Variants in TAPBP observed in about 807,000 individuals in gnomAD.
The protein encoded by TAPBP is tapasin.
TAPBP carries 38 observed loss-of-function variants against 45.7 expected under a neutral mutation model. That is an observed-to-expected ratio of 0.83 (90% CI 0.64 to 1.09). TAPBP has a LOEUF of 1.09. Ranked by LOEUF, TAPBP falls within the 50% of genes least tolerant of loss-of-function variation. The pLI, the probability that TAPBP is intolerant of heterozygous loss-of-function variation, is 0.00. For missense variants in TAPBP, 513 were observed against 587.3 expected (o/e 0.87, Z 1.31); for synonymous variants, 226 against 254.8 (o/e 0.89, Z 1.08).
chr6:33,304,366 C>T lies in TAPBP; in HGVS notation c.1141G>A (p.Ala381Thr). The change falls in exon 5 of 8, where the codon GCC becomes ACC. Residue 381 changes from alanine to threonine, a missense_variant. Transcript: ENST00000434618. Reference protein sequence around the residue: ...VTTEQHGARYACRIHHPSLPA... With the variant: ...VTTEQHGARYTCRIHHPSLPA... ...AGGCTGGGATGGTGAATTCGACAGG[C>T]ATAGCGTGCCCCATGCTGCTCAGTG... 1.9e-6 allele frequency: 3 copies of T among 1,612,460 alleles called. No homozygotes were observed. Among genetic ancestry groups the T allele is most frequent in the Non-Finnish European group, 2.5e-6 (3 of 1,179,062 alleles).
Position 33,305,007 on chromosome 6 carries a change from G to A in TAPBP, c.850C>T (p.Leu284=). Residue 284 remains leucine (L), a synonymous_variant, in exon 4 of 8, where the codon CTG becomes TTG. Transcript: ENST00000434618. The surrounding 1 kb of genome is among the most constrained non-coding windows in gnomAD (Gnocchi z 4.4). ...HLPYLQGQVT[L]ELAVYKPPKV... ...AACTCACTGTACACAGCAAGCTCCA[G>A]GGTGACCTGTCCTTGCAGGTATGGC... 14 of 1,614,088 alleles carry A rather than the reference G, an allele frequency of 8.7e-6. No individual in the cohort carries two copies. Among genetic ancestry groups the A allele is most frequent in the Non-Finnish European group, 1.2e-5 (14 of 1,179,972 alleles).
chr6:33,307,770 A>C (rs1475936678), intron 3 of TAPBP, among the ~76,000 whole-genome samples: 1 of 152,130 alleles, frequency 6.6e-6, no homozygotes, highest in Non-Finnish European at 1.5e-5. Flanking sequence ...TCCTATATTT[A>C]TCCATATGCA....
chr6:33,301,204 G>A lies in TAPBP; in HGVS notation c.*556C>T, dbSNP rs1269465784. On this transcript the variant is annotated 3_prime_UTR_variant, in exon 8 of 8. Coordinates refer to ENST00000434618, the MANE Select transcript of TAPBP (RefSeq NM_003190.5). ...TCCTTGATGATTTTTAAGAGGTCCT[G>A]AGAGAAAAAAATTTTGAGAACCACT... 2.6e-5 allele frequency: 4 copies of A among 152,606 alleles called. No homozygotes were observed. Among genetic ancestry groups the A allele is most frequent in the African/African-American group, 9.7e-5 (4 of 41,424 alleles). The allele number at this position is 152,606 out of a possible 1,614,324, so 9.5% of individuals were successfully genotyped here. A position where few individuals can be genotyped will look rare whatever the true frequency, so the allele number is the denominator to read the frequency against.
At chr6:33,308,413 G>C (rs942226685) in intron 3 of TAPBP, among the ~76,000 whole-genome samples, 1 of 152,022 alleles carries the variant, frequency 6.6e-6, no homozygotes, top group African/African-American at 2.4e-5. Context: ...CTGATGGTTC[G>C]CTCTCACCTA....
rs747783286 is a variant in TAPBP, at chr6:33,314,024, C to A, written c.18G>T (p.Leu6=). 1.4e-5 allele frequency: 23 copies of A among 1,613,900 alleles called. No individual in the cohort carries two copies. In the Admixed American group the frequency reaches 3.5e-4, roughly 25 times the overall value. MKSLS[L]LLAVALGLAT... is the part of the protein sequence containing the mutation. ...GCTCACCCAAAGCCACAGCGAGGAG[C>A]AGAGACAGGGACTTCATGGCGCTGC... is the stretch of plus-strand genomic sequence containing the variant. The change falls in exon 1 of 8, where the codon CTG becomes CTT. Residue 6 remains leucine (L), a synonymous_variant. Transcript: ENST00000434618.
At chr6:33,306,927 G>A (rs139998635) in intron 3 of TAPBP, among the ~76,000 whole-genome samples, 5 of 150,018 alleles carry the variant, frequency 3.3e-5, no homozygotes, top group East Asian at 2.0e-4. Context: ...GCGGTGAGCC[G>A]AGATTGTGCC....
At position 33,313,341 on chromosome 6, in the gene TAPBP, G is replaced by A; in HGVS notation, c.345C>T (p.Cys115=). 6.2e-7 allele frequency: 1 copy of A among 1,613,308 alleles called. No homozygotes were observed. Among genetic ancestry groups the A allele is most frequent in the Non-Finnish European group, 8.5e-7 (1 of 1,179,944 alleles). ...WASGLTPAQN[C]PRALDGAWLM... ...GCCAAGCCCCATCCAGGGCCCGCGG[G>A]CAGTTCTGCGCGGGGGTCAGGCCGC... Residue 115 remains cysteine (C), a synonymous_variant, in exon 3 of 8, where the codon TGC becomes TGT. Transcript: ENST00000434618. The surrounding 1 kb of genome is among the most constrained non-coding windows in gnomAD (Gnocchi z 7.2).
At chr6:33,302,373 G>A (rs1413974532) in intron 7 of TAPBP, among the ~76,000 whole-genome samples, 2 of 152,082 alleles carry the variant, frequency 1.3e-5, no homozygotes, top group Non-Finnish European at 2.9e-5. Context: ...TGCCCAGGCT[G>A]GAGTGCAGTG....
At chr6:33,304,830 A>C (rs923391693) in intron 4 of TAPBP, 159 bp downstream of exon 4, 6 of 1,327,658 alleles carry the variant, frequency 4.5e-6, no homozygotes, top group Non-Finnish European at 6.2e-6. Context: ...ATTTCCAGGA[A>C]ACTTCTAGCC....
intron 3 of TAPBP, among the ~76,000 whole-genome samples, chr6:33,310,315 G>A (rs1323726812): frequency 6.6e-6 from 1 of 151,758 alleles, no homozygotes; most frequent in African/African-American, 2.4e-5. Flanking sequence ...AGACCAGCCT[G>A]GCTAACATGA....
At chr6:33,311,793 A>G (rs1335565892) in intron 3 of TAPBP, among the ~76,000 whole-genome samples, 1 of 152,168 alleles carries the variant, frequency 6.6e-6, no homozygotes, top group African/African-American at 2.4e-5. Flanking sequence ...ATCCGTGGCA[A>G]ATACGCCCAG....
In TAPBP at chr6:33,301,402, C is replaced by T. The variant is rs535452715; in HGVS notation, c.*358G>A. On this transcript the variant is annotated 3_prime_UTR_variant, in exon 8 of 8. Coordinates refer to ENST00000434618, the MANE Select transcript of TAPBP (RefSeq NM_003190.5). Reference sequence around the variant, plus strand: ...CAGCCTGGCCAACATGGTGAAACCCCGTCTCTACTAAAAATACAAAAATTC... The same window carrying T: ...CAGCCTGGCCAACATGGTGAAACCCTGTCTCTACTAAAAATACAAAAATTC... 24 of 238,404 alleles carry T rather than the reference C, an allele frequency of 1.0e-4. No homozygotes were observed. Among genetic ancestry groups the T allele is most frequent in the African/African-American group, 4.3e-4 (19 of 43,706 alleles). The allele number at this position is 238,404 out of a possible 1,614,324, so 14.8% of individuals were successfully genotyped here.
At chr6:33,303,462 T>C (rs894343797) in intron 7 of TAPBP, 5 of 392,788 alleles carry the variant, frequency 1.3e-5, no homozygotes, top group African/African-American at 1.0e-4. Context: ...GTATAAGGTG[T>C]ATAGGAAACA....
intron 3 of TAPBP, among the ~76,000 whole-genome samples, chr6:33,307,610 C>G (rs1185078589): frequency 6.6e-6 from 1 of 151,930 alleles, no homozygotes; most frequent in Non-Finnish European, 1.5e-5. Context: ...CCATGTTGCC[C>G]AGGCTGGTCT....
At position 33,305,432 on chromosome 6, in the gene TAPBP, G is replaced by T; in HGVS notation, c.470-45C>A. 2 of 1,473,554 alleles carry T rather than the reference G, an allele frequency of 1.4e-6. No homozygotes were observed. The highest frequency in any genetic ancestry group is 1.8e-6 in the Non-Finnish European group (2 of 1,111,126). 91.3% of individuals were successfully genotyped at this position (1,473,554 alleles called of 1,614,324 possible). A position where few individuals can be genotyped will look rare whatever the true frequency, so the allele number is the denominator to read the frequency against. On this transcript the variant is annotated intron_variant, in intron 3 of 7. Transcript: ENST00000434618. The surrounding 1 kb of genome is among the most constrained non-coding windows in gnomAD (Gnocchi z 4.4). ...GAGGGGTTGGGAGGGGCATGAGGGA[G>T]AGAAAGAAGGAGAAAAAAATAGAGA...
At position 33,313,679 on chromosome 6, in the gene TAPBP, T is replaced by A. The variant is rs765943281; in HGVS notation, c.208+15A>T. 3 of 1,599,882 alleles carry A rather than the reference T, an allele frequency of 1.9e-6. No homozygotes were observed. The East Asian group carries it at 6.7e-5, about 36-fold the overall frequency. The stretch of plus-strand genomic sequence containing the variant: ...GCGACAGAGGTAGGGGGGCGGCGAG[T>A]CCCTAGAGACTCACCGTGTACACTG... On this transcript the variant is annotated intron_variant, in intron 2 of 7. Transcript: ENST00000434618. The surrounding 1 kb of genome is among the most constrained non-coding windows in gnomAD (Gnocchi z 7.2).
chr6:33,301,813 G>T (rs1357324923), intron 7 of TAPBP, 42 bp from the exon 8 acceptor site: 3 of 1,614,034 alleles, frequency 1.9e-6, no homozygotes. Flanking sequence ...GATATTAAAA[G>T]GCAGTTGAGG....
chr6:33,303,813 A>G (rs1248434746), intron 7 of TAPBP, 142 bp downstream of exon 7: 2 of 1,578,136 alleles, frequency 1.3e-6, no homozygotes, highest in East Asian at 2.3e-5. Flanking sequence ...GTTAGGATAT[A>G]GTGCCAGGTT....
chr6:33,305,523 C>G lies in TAPBP; in HGVS notation c.470-136G>C. ...CCCTCAGAGGACACCTTTTCTGATA[C>G]TCACCATTTCCTAGCCCTCCCTGCA... On this transcript the variant is annotated intron_variant, in intron 3 of 7. Coordinates refer to ENST00000434618, the MANE Select transcript of TAPBP (RefSeq NM_003190.5). This position sits in a 1 kb window ranked among gnomAD's most constrained non-coding sequence, Gnocchi z 4.4. The G allele has an allele frequency of 2.0e-6, 2 of 984,808 alleles. No homozygotes were observed. Among genetic ancestry groups the G allele is most frequent in the Non-Finnish European group, 2.9e-6 (2 of 696,576 alleles). 61.0% of individuals were successfully genotyped at this position (984,808 alleles called of 1,614,324 possible). A position where few individuals can be genotyped will look rare whatever the true frequency, so the allele number is the denominator to read the frequency against.
Sources: gnomAD v4.1 joint callset for allele counts (sites outside exome capture counted in the v4.1 genomes callset) on GRCh38, gnomAD v4.1.1 for gene constraint, Gnocchi (gnomAD v3.1) non-coding constraint, MANE v1.5 for transcripts, NCBI Gene and HGNC (gene_info 2026-07-23, HGNC 2026-07-21) for gene names.